Variants in JARID2 observed in about 807,000 individuals in gnomAD.
The protein encoded by JARID2 is protein Jumonji.
Under a neutral mutation model 125.6 loss-of-function variants are expected in JARID2, and 21 were observed. That is an observed-to-expected ratio of 0.17 (90% CI 0.12 to 0.24). JARID2 has a LOEUF of 0.24. Among genes scored for constraint, JARID2 ranks in the 10% least tolerant of loss-of-function variants. The pLI is 1.00. For missense variants in JARID2, 1,303 were observed against 1,639.6 expected (o/e 0.79, Z 3.55); for synonymous variants, 736 against 661.6 (o/e 1.11, Z -1.73).
At chr6:15,363,347 AGT>A (rs1195367963) in intron 1 of JARID2, among the ~76,000 whole-genome samples, 1 of 152,186 alleles carries the variant, frequency 6.6e-6, no homozygotes, top group Non-Finnish European at 1.5e-5. Flanking sequence ...GGCTGTGCAC[AGT>A]GTGTGTTCAC....
At chr6:15,366,742 C>T (rs1561816692) in intron 1 of JARID2, among the ~76,000 whole-genome samples, 2 of 152,018 alleles carry the variant, frequency 1.3e-5, no homozygotes, top group East Asian at 1.9e-4. Context: ...TGCCCCTGCC[C>T]AGTGGAAGCA....
chr6:15,436,153 G>A (rs1767192158), intron 3 of JARID2, among the ~76,000 whole-genome samples: 1 of 152,174 alleles, frequency 6.6e-6, no homozygotes, highest in African/African-American at 2.4e-5. Flanking sequence ...GCTTGTGTTA[G>A]CTCAATTAGA....
chr6:15,398,821 G>GA (rs1765312894), intron 2 of JARID2, among the ~76,000 whole-genome samples: 1 of 152,158 alleles, frequency 6.6e-6, no homozygotes, highest in Non-Finnish European at 1.5e-5. Flanking sequence ...TGACAGAACT[G>GA]GGGGTGTTCA....
intron 3 of JARID2, among the ~76,000 whole-genome samples, chr6:15,447,922 C>T (rs1394744213): frequency 6.6e-6 from 1 of 152,106 alleles, no homozygotes; most frequent in Non-Finnish European, 1.5e-5. Context: ...TTCCTATATC[C>T]AGCATTCTAG....
chr6:15,441,434 A>G (rs1463280303), intron 3 of JARID2, among the ~76,000 whole-genome samples: 1 of 152,194 alleles, frequency 6.6e-6, no homozygotes, highest in East Asian at 1.9e-4. Flanking sequence ...TGGAGTGTAA[A>G]GACTCGCTAT....
At position 15,521,405 on chromosome 6, in the gene JARID2, T is replaced by C. The variant is rs3814452; in HGVS notation, c.*1154T>C. On this transcript the variant is annotated 3_prime_UTR_variant, in exon 18 of 18. Transcript: ENST00000341776. ...TAAATTGTTTTAAATACTTGAGCCT[T>C]TTTCTCGGTGGGGGGTGGGGAGGGG... 1.3e-5 allele frequency: 2 copies of C among 149,482 alleles called. No individual in the cohort carries two copies. The highest frequency in any genetic ancestry group is 3.0e-5 in the Non-Finnish European group (2 of 67,258). 9.3% of individuals were successfully genotyped at this position (149,482 alleles called of 1,614,324 possible). A position where few individuals can be genotyped will look rare whatever the true frequency, so the allele number is the denominator to read the frequency against.
At chr6:15,519,499 A>G (rs963936599) in intron 17 of JARID2, among the ~76,000 whole-genome samples, 1 of 152,146 alleles carries the variant, frequency 6.6e-6, no homozygotes, top group African/African-American at 2.4e-5. Flanking sequence ...GATGCTCATA[A>G]GATGCACGTT....
At chr6:15,303,657 A>G (rs1761710583) in intron 1 of JARID2, among the ~76,000 whole-genome samples, 1 of 152,234 alleles carries the variant, frequency 6.6e-6, no homozygotes, top group South Asian at 2.1e-4. Context: ...TATTTCAACA[A>G]TGTGATTAAA....
At chr6:15,426,707 CAA>C (rs1766743424) in intron 3 of JARID2, among the ~76,000 whole-genome samples, 1 of 152,166 alleles carries the variant, frequency 6.6e-6, no homozygotes, top group Non-Finnish European at 1.5e-5. Flanking sequence ...AAATGAAAAA[CAA>C]ACCCCAATCT....
intron 1 of JARID2, among the ~76,000 whole-genome samples, chr6:15,286,787 G>C (rs193288033): frequency 6.6e-6 from 1 of 150,612 alleles, no homozygotes; most frequent in South Asian, 2.1e-4. Flanking sequence ...GCGTGAACCC[G>C]GGAGGCAGAG....
rs113577847 is a variant in JARID2, at chr6:15,466,998, G to C, written c.494-1544G>C. Among the ~76,000 whole-genome samples, 1,103 of 152,290 alleles carry C rather than the reference G, an allele frequency of 7.2e-3. 13 individuals carry two copies. Among genetic ancestry groups the C allele is most frequent in the African/African-American group, 0.025 (1,049 of 41,548 alleles). ...AAGTTGAAATCTTCTGTCTACAGAG[G>C]GTCTTTTTGCCGACTGTATCCCTTT... On this transcript the variant is annotated intron_variant, in intron 4 of 17. Coordinates refer to ENST00000341776, the MANE Select transcript of JARID2 (RefSeq NM_004973.4).
intron 3 of JARID2, among the ~76,000 whole-genome samples, chr6:15,414,297 T>A (rs1273894212): frequency 1.3e-5 from 2 of 152,220 alleles, no homozygotes; most frequent in African/African-American, 4.8e-5. Context: ...ATAACATGTT[T>A]TAATTCTTCA....
At chr6:15,349,253 A>C (rs1763347435) in intron 1 of JARID2, among the ~76,000 whole-genome samples, 1 of 152,174 alleles carries the variant, frequency 6.6e-6, no homozygotes, top group Non-Finnish European at 1.5e-5. Flanking sequence ...CAAGATGGTG[A>C]CTTTTTGTTG....
intron 2 of JARID2, among the ~76,000 whole-genome samples, chr6:15,377,874 T>C (rs1237315629): frequency 1.5e-5 from 2 of 133,266 alleles, no homozygotes; most frequent in African/African-American, 2.7e-5. Flanking sequence ...TTTTTTTCAA[T>C]TTTTTTTCTT....
chr6:15,248,430 A>AGGGGGGGGGAGCGGGGGC (rs1178054792), intron 1 of JARID2: 2 of 3,984 alleles, frequency 5.0e-4, no homozygotes, highest in Admixed American at 2.4e-3. Context: ...GCGCGCGGGG[A>AGGGGGGGGGAGCGGGGGC]GGGGGTGGGA....
At chr6:15,397,472 A>AAT (rs1318005256) in intron 2 of JARID2, among the ~76,000 whole-genome samples, 3 of 152,188 alleles carry the variant, frequency 2.0e-5, no homozygotes, top group African/African-American at 7.2e-5. Flanking sequence ...GTGGTACTGA[A>AAT]ATACCAAGGC....
At chr6:15,454,805 A>G (rs185561348) in intron 4 of JARID2, among the ~76,000 whole-genome samples, 8 of 152,238 alleles carry the variant, frequency 5.3e-5, no homozygotes, top group Non-Finnish European at 7.4e-5. Context: ...TTTTGGCTGA[A>G]AGATTCTCCT....
intron 3 of JARID2, among the ~76,000 whole-genome samples, chr6:15,429,043 C>T (rs752948049): frequency 6.6e-6 from 1 of 151,394 alleles, no homozygotes; most frequent in Non-Finnish European, 1.5e-5. Context: ...GCAACATCAT[C>T]CATATGTGAT....
chr6:15,362,835 C>T (rs1763847694), intron 1 of JARID2, among the ~76,000 whole-genome samples: 1 of 152,114 alleles, frequency 6.6e-6, no homozygotes, highest in South Asian at 2.1e-4. Context: ...GATGAGATTT[C>T]TGGTTTAAAT....
Sources: gnomAD v4.1 joint callset for allele counts (sites outside exome capture counted in the v4.1 genomes callset) on GRCh38, gnomAD v4.1.1 for gene constraint, MANE v1.5 for transcripts, NCBI Gene and HGNC (gene_info 2026-07-23, HGNC 2026-07-21) for gene names.